Variants in TMSB15B observed in about 807,000 individuals in gnomAD.
TMSB15B encodes the protein thymosin beta 15B, also known as thymosin beta-15B.
chrX:103,925,445 A>G (rs1556318653), intron 1 of TMSB15B, among the ~76,000 whole-genome samples: 1 of 112,737 alleles, frequency 8.9e-6, no homozygotes, highest in African/African-American at 3.2e-5. Context: ...GTCCCCCAAA[A>G]TGATTTACAA....
intron 1 of TMSB15B, chrX:103,928,654 C>T: frequency 1.7e-6 from 2 of 1,153,313 alleles, no homozygotes; most frequent in Non-Finnish European, 2.4e-6. Flanking sequence ...CAGGAACAGC[C>T]TGGGGAGCAC....
chrX:103,929,522 C>T (rs1325390871), intron 1 of TMSB15B, among the ~76,000 whole-genome samples: 3 of 111,286 alleles, frequency 2.7e-5, no homozygotes, highest in African/African-American at 9.8e-5. Flanking sequence ...TCTCACTTCT[C>T]AAGGCTGTGG....
intron 1 of TMSB15B, among the ~76,000 whole-genome samples, chrX:103,954,441 C>T (rs1205190393): frequency 1.1e-4 from 12 of 111,384 alleles, no homozygotes; most frequent in African/African-American, 3.6e-4. Flanking sequence ...TCCAGTGAGG[C>T]GGATCCTATG....
At chrX:103,942,521 A>T (rs192368219) in intron 1 of TMSB15B, among the ~76,000 whole-genome samples, 286 of 112,125 alleles carry the variant, frequency 2.6e-3, no homozygotes, top group African/African-American at 9.0e-3. Flanking sequence ...TAACAGTAAT[A>T]CTAATAAATG....
chrX:103,952,244 A>G (rs2075040879), intron 1 of TMSB15B, among the ~76,000 whole-genome samples: 1 of 111,446 alleles, frequency 9.0e-6, no homozygotes, highest in East Asian at 2.8e-4. Context: ...CAGGACAACT[A>G]CCATTGAGAA....
chrX:103,933,015 A>G lies in TMSB15B; in HGVS notation c.-721+13723A>G, dbSNP rs191523268. On this transcript the variant is annotated intron_variant, in intron 1 of 3. Transcript: ENST00000419165. The stretch of plus-strand genomic sequence containing the variant: ...GCTACATCAGCTTTTCTAGAGCTCA[A>G]GTTGAAATAATAAATAACTAATGTT... 5 of 111,926 alleles carry G rather than the reference A, an allele frequency of 4.5e-5. No homozygotes were observed. In the East Asian group the frequency reaches 1.4e-3, roughly 31 times the overall value. The allele number at this position is 111,926 out of a possible 1,213,427, so 9.2% of individuals were successfully genotyped here. A position where few individuals can be genotyped will look rare whatever the true frequency, so the allele number is the denominator to read the frequency against.
intron 1 of TMSB15B, among the ~76,000 whole-genome samples, chrX:103,944,940 G>A (rs1226397370): frequency 1.8e-5 from 2 of 111,273 alleles, no homozygotes; most frequent in African/African-American, 3.3e-5. Flanking sequence ...ACCATGCCCC[G>A]CTGGCTTTTG....
intron 1 of TMSB15B, among the ~76,000 whole-genome samples, chrX:103,938,209 G>C (rs2075003562): frequency 9.0e-6 from 1 of 111,586 alleles, no homozygotes; most frequent in South Asian, 3.8e-4. Context: ...TTCAAGTTTT[G>C]AACATTCTTG....
At chrX:103,954,861 G>A (rs1380750783) in intron 1 of TMSB15B, among the ~76,000 whole-genome samples, 5 of 111,957 alleles carry the variant, frequency 4.5e-5, no homozygotes, top group African/African-American at 9.8e-5. Context: ...CTCTGCTGCA[G>A]TGGTGAATGC....
rs2096248 is a variant in TMSB15B at position 103,955,056 on chromosome X, T to C, written c.-720-6965T>C. ...GGAGCTGAACATTGGCCCCCTAGTA[T>C]CTTCCAGAAACGAAGCCAGATGGAT... On this transcript the variant is annotated intron_variant, in intron 1 of 3. Transcript: ENST00000419165. Among the ~76,000 whole-genome samples the C allele has an allele frequency of 9.8e-4, 109 of 111,098 alleles. 1 individual carries two copies. In the East Asian group the frequency reaches 0.027, roughly 28 times the overall value.
At chrX:103,928,650 C>T in intron 1 of TMSB15B, 1 of 1,155,946 alleles carries the variant, frequency 8.7e-7, no homozygotes, top group Non-Finnish European at 1.2e-6. Flanking sequence ...TGGCCAGGAA[C>T]AGCCTGGGGA....
At chrX:103,928,952 T>G in intron 1 of TMSB15B, 2 of 1,199,960 alleles carry the variant, frequency 1.7e-6, no homozygotes, top group South Asian at 1.8e-5. Flanking sequence ...ACATGGGGCC[T>G]CACTACGGCA....
intron 1 of TMSB15B, among the ~76,000 whole-genome samples, chrX:103,944,223 A>G (rs1331687633): frequency 8.9e-6 from 1 of 112,173 alleles, no homozygotes; most frequent in Non-Finnish European, 1.9e-5. Flanking sequence ...TTGACTTAAG[A>G]TCAGAGGGAT....
At chrX:103,954,699 G>A (rs1238816673) in intron 1 of TMSB15B, among the ~76,000 whole-genome samples, 1 of 111,023 alleles carries the variant, frequency 9.0e-6, no homozygotes, top group Non-Finnish European at 1.9e-5. Flanking sequence ...TGCCCATACC[G>A]TGAGTGATCA....
intron 1 of TMSB15B, among the ~76,000 whole-genome samples, chrX:103,936,587 T>A (rs2074998530): frequency 8.9e-6 from 1 of 112,173 alleles, no homozygotes; most frequent in African/African-American, 3.2e-5. Context: ...TCATGTCATC[T>A]GCAAACAGAG....
At chrX:103,950,305 G>A (rs1569449459) in intron 1 of TMSB15B, among the ~76,000 whole-genome samples, 1 of 111,382 alleles carries the variant, frequency 9.0e-6, no homozygotes, top group Non-Finnish European at 1.9e-5. Context: ...AAGGCTCTAA[G>A]ACAATAGTGA....
intron 1 of TMSB15B, among the ~76,000 whole-genome samples, chrX:103,921,388 G>A (rs2074952455): frequency 8.9e-6 from 1 of 112,164 alleles, no homozygotes; most frequent in South Asian, 3.7e-4. Context: ...GTTTAAATTG[G>A]CTTTATCACC....
At chrX:103,947,306 A>G (rs1556327573) in intron 1 of TMSB15B, among the ~76,000 whole-genome samples, 1 of 111,715 alleles carries the variant, frequency 9.0e-6, no homozygotes, top group Non-Finnish European at 1.9e-5. Context: ...TATTTAAAGC[A>G]GAAAAGAGGC....
chrX:103,936,670 C>A (rs781982182), intron 1 of TMSB15B, among the ~76,000 whole-genome samples: 1 of 112,070 alleles, frequency 8.9e-6, no homozygotes, highest in African/African-American at 3.2e-5. Flanking sequence ...CTGGCCAGAA[C>A]TTCCAATACT....
Sources: allele counts gnomAD v4.1 joint callset (sites outside exome capture counted in the v4.1 genomes callset), GRCh38; gene constraint gnomAD v4.1.1; transcripts MANE v1.5; gene names NCBI Gene and HGNC (gene_info 2026-07-23, HGNC 2026-07-21).